The following NCOA3 variants were observed in gnomAD, a reference collection of about 807,000 sequenced individuals.
NCOA3 encodes CBP-interacting protein.
Under a neutral mutation model 158.8 loss-of-function variants are expected in NCOA3, and 51 were observed. That is an observed-to-expected ratio of 0.32 (90% CI 0.26 to 0.41). The LOEUF (loss-of-function observed/expected upper bound fraction) is 0.41, where lower values mean the gene tolerates loss of function less well. Ranked by LOEUF, NCOA3 falls within the 10% of genes least tolerant of loss-of-function variation. The pLI is 1.00. For synonymous variants in NCOA3, 537 were observed against 592.4 expected (o/e 0.91, Z 1.36); for missense variants, 1,510 against 1,746.6 (o/e 0.86, Z 2.41).
chr20:47,612,590 T>C (rs998427847), intron 2 of NCOA3, among the ~76,000 whole-genome samples: 3 of 152,166 alleles, frequency 2.0e-5, no homozygotes, highest in Non-Finnish European at 2.9e-5. Flanking sequence ...AGTATAAAGA[T>C]CATTTTGGGG....
rs2086856833 is a variant in NCOA3 at position 47,655,479 on chromosome 20, G to C, written c.*2062G>C. 1 of 152,438 alleles carries C rather than the reference G, an allele frequency of 6.6e-6. No individual in the cohort carries two copies. The highest frequency in any genetic ancestry group is 2.4e-5 in the African/African-American group (1 of 41,428). The allele number at this position is 152,438 out of a possible 1,614,324, so 9.4% of individuals were successfully genotyped here. On this transcript the variant is annotated 3_prime_UTR_variant, in exon 23 of 23. Coordinates refer to ENST00000371998, the MANE Select transcript of NCOA3 (RefSeq NM_181659.3). ...AGTAAGTGAATCCTGATTATTTCCA[G>C]ACCCACCACCAGAGTGGATCTTATT...
intron 1 of NCOA3, among the ~76,000 whole-genome samples, chr20:47,519,676 C>A (rs986086126): frequency 6.6e-6 from 1 of 152,152 alleles, no homozygotes; most frequent in African/African-American, 2.4e-5. Flanking sequence ...ACCTGTAATT[C>A]TAGCACTTTG....
In NCOA3 at chr20:47,628,172, G is replaced by T. The variant is rs373075869; in HGVS notation, c.823+149G>T. 1.8e-3 allele frequency: 866 copies of T among 486,232 alleles called. 23 individuals are homozygous for T. The South Asian group carries it at 0.039, about 22-fold the overall frequency. 30.1% of individuals were successfully genotyped at this position (486,232 alleles called of 1,614,324 possible). On this transcript the variant is annotated intron_variant, in intron 8 of 22. Transcript: ENST00000371998. ...GTGCTTTATGTGTATCTTTTTTCAT[G>T]TTGCTTATGCAACCTTAAAAGAATT...
At chr20:47,510,496 A>G (rs2084103417) in intron 1 of NCOA3, among the ~76,000 whole-genome samples, 1 of 151,210 alleles carries the variant, frequency 6.6e-6, no homozygotes, top group Non-Finnish European at 1.5e-5. Flanking sequence ...TATGGGTTCT[A>G]AGATTTGGCA....
At chr20:47,653,129 C>T in intron 22 of NCOA3, 57 bp downstream of exon 22, 1 of 1,572,678 alleles carries the variant, frequency 6.4e-7, no homozygotes, top group Non-Finnish European at 8.7e-7. Flanking sequence ...CTGGATAGAA[C>T]TAAAGCCTAG....
chr20:47,536,872 C>T lies in NCOA3; in HGVS notation c.-99+34853C>T, dbSNP rs369324278. Reference sequence around the variant, plus strand: ...AGGCTGGAGTGCAGTAGTGCAATCTCGGCTCACTGCAACCTCCGCCTCCTG... The same window carrying T: ...AGGCTGGAGTGCAGTAGTGCAATCTTGGCTCACTGCAACCTCCGCCTCCTG... On this transcript the variant is annotated intron_variant, in intron 1 of 22. Transcript: ENST00000371998. Among the ~76,000 whole-genome samples the T allele has an allele frequency of 4.7e-5, 7 of 149,124 alleles. No individual in the cohort carries two copies. In the East Asian group the frequency reaches 9.9e-4, roughly 21 times the overall value.
chr20:47,552,549 G>A (rs2084940693), intron 1 of NCOA3, among the ~76,000 whole-genome samples: 1 of 152,118 alleles, frequency 6.6e-6, no homozygotes. Context: ...CCCCAAACCA[G>A]ATTGCAGGTA....
intron 1 of NCOA3, among the ~76,000 whole-genome samples, chr20:47,579,540 G>A (rs2085420483): frequency 2.0e-5 from 3 of 152,200 alleles, no homozygotes; most frequent in Admixed American, 2.0e-4. Flanking sequence ...TTCCAGACAA[G>A]TTTAACTCAC....
chr20:47,540,017 T>G (rs1328331271), intron 1 of NCOA3, among the ~76,000 whole-genome samples: 1 of 152,232 alleles, frequency 6.6e-6, no homozygotes. Context: ...ATTACTATCT[T>G]CATTTGAGAG....
chr20:47,542,028 T>TG (rs1555802261), intron 1 of NCOA3, among the ~76,000 whole-genome samples: 74 of 81,776 alleles, frequency 9.0e-4, no homozygotes, highest in African/African-American at 3.3e-3. Flanking sequence ...TTTTTTTTTT[T>TG]TTGTTGTTGT....
chr20:47,601,271 G>A (rs1285694084), intron 2 of NCOA3, among the ~76,000 whole-genome samples: 1 of 152,184 alleles, frequency 6.6e-6, no homozygotes, highest in Non-Finnish European at 1.5e-5. Context: ...AGAACTCAAG[G>A]GAGTGAGAAA....
At chr20:47,527,763 C>T (rs916269496) in intron 1 of NCOA3, among the ~76,000 whole-genome samples, 3 of 152,126 alleles carry the variant, frequency 2.0e-5, no homozygotes, top group African/African-American at 4.8e-5. Flanking sequence ...AGTTTTGTAA[C>T]CTCACCAACA....
At position 47,651,122 on chromosome 20, in the gene NCOA3, A is replaced by AGCAGCAGCAGCAG. The variant is rs1555818299; in HGVS notation, c.3792_3793insGCAGCAGCAGCAG (p.Gln1265AlafsTer25). On this transcript the variant is annotated frameshift_variant, in exon 20 of 23. Transcript: ENST00000371998. LOFTEE classifies it high-confidence loss of function. ...AGCAGCAGCAGCAGCAGCAGCAGCA[A>AGCAGCAGCAGCAG]CAGCAACAGCAACAGCAACAGCAGC... 7.1e-6 allele frequency: 11 copies of AGCAGCAGCAGCAG among 1,548,034 alleles called. No homozygotes were observed. Among genetic ancestry groups the AGCAGCAGCAGCAG allele is most frequent in the African/African-American group, 1.5e-5 (1 of 65,918 alleles).
At chr20:47,642,562 G>A (rs1026888082) in intron 17 of NCOA3, among the ~76,000 whole-genome samples, 178 bp downstream of exon 17, 16 of 152,046 alleles carry the variant, frequency 1.1e-4, no homozygotes, top group Non-Finnish European at 1.8e-4. Context: ...GTCTCAATTC[G>A]TATGTTAAAA....
chr20:47,584,125 A>T (rs982829437), intron 2 of NCOA3, among the ~76,000 whole-genome samples: 1 of 151,772 alleles, frequency 6.6e-6, no homozygotes, highest in African/African-American at 2.4e-5. Context: ...TAACACCCCC[A>T]GTTCTACAAA....
At chr20:47,600,516 T>TG (rs397823227) in intron 2 of NCOA3, among the ~76,000 whole-genome samples, 4 of 151,398 alleles carry the variant, frequency 2.6e-5, no homozygotes, top group African/African-American at 9.7e-5. Context: ...TTTTTTTTTT[T>TG]GGCGGGCGTG....
chr20:47,639,904 GCTTT>G lies in NCOA3; in HGVS notation c.2954-16_2954-13del, dbSNP rs2086576491. On this transcript the variant is annotated splice_polypyrimidine_tract_variant and intron_variant, in intron 15 of 22. Transcript: ENST00000371998. ...TTTTTGCTCTTATTTGAGAATTTGT[GCTTT>G]CTTTTTGCTCCCCCAGGGCCTGGTG... The G allele has an allele frequency of 6.2e-7, 1 of 1,613,596 alleles. No homozygotes were observed. Among genetic ancestry groups the G allele is most frequent in the South Asian group, 1.1e-5 (1 of 91,024 alleles).
chr20:47,599,862 G>A (rs1397585318), intron 2 of NCOA3, among the ~76,000 whole-genome samples: 4 of 152,072 alleles, frequency 2.6e-5, no homozygotes, highest in Non-Finnish European at 4.4e-5. Context: ...ACCATACCCA[G>A]ATCCATCTCC....
In NCOA3 at chr20:47,647,432, G is replaced by T. The variant is rs2146341342; in HGVS notation, c.3546+66G>T. On this transcript the variant is annotated intron_variant, in intron 18 of 22. Transcript: ENST00000371998. Reference sequence around the variant, plus strand: ...TTGTTTTCAGACTATGTTTCTCAGTGTTCTTACCACTGGTGCAATCTATCC... The same window carrying T: ...TTGTTTTCAGACTATGTTTCTCAGTTTTCTTACCACTGGTGCAATCTATCC... 5 of 1,461,948 alleles carry T rather than the reference G, an allele frequency of 3.4e-6. No homozygotes were observed. The South Asian group carries it at 3.8e-5, about 11-fold the overall frequency. The allele number at this position is 1,461,948 out of a possible 1,614,324, so 90.6% of individuals were successfully genotyped here. A position where few individuals can be genotyped will look rare whatever the true frequency, so the allele number is the denominator to read the frequency against.
Sources: gnomAD v4.1 joint callset for allele counts (sites outside exome capture counted in the v4.1 genomes callset) on GRCh38, gnomAD v4.1.1 for gene constraint, MANE v1.5 for transcripts, NCBI Gene and HGNC (gene_info 2026-07-23, HGNC 2026-07-21) for gene names.